The following ENOX1 variants were observed in gnomAD, a reference collection of about 807,000 sequenced individuals.
ENOX1 encodes the protein candidate growth-related and time keeping constitutive hydroquinone (NADH) oxidase.
Under a neutral mutation model 82.5 loss-of-function variants are expected in ENOX1, and 42 were observed. The ratio of observed to expected loss-of-function variants is 0.51; its 90% CI spans 0.40 to 0.66. The LOEUF (loss-of-function observed/expected upper bound fraction) is 0.66, where lower values mean the gene tolerates loss of function less well. ENOX1 is among the 30% of genes least tolerant of loss of function. ENOX1 has a pLI of 0.00. For missense variants in ENOX1, 608 were observed against 811.6 expected (o/e 0.75, Z 3.05); for synonymous variants, 271 against 282.2 (o/e 0.96, Z 0.40).
chr13:43,725,062 G>T (rs2088847050), intron 1 of ENOX1, among the ~76,000 whole-genome samples: 1 of 152,054 alleles, frequency 6.6e-6, no homozygotes, highest in South Asian at 2.1e-4. Context: ...AAGTTCTCTG[G>T]CATACCTGGA....
At chr13:43,624,872 C>T (rs1163167275) in intron 2 of ENOX1, among the ~76,000 whole-genome samples, 1 of 151,976 alleles carries the variant, frequency 6.6e-6, no homozygotes, top group Non-Finnish European at 1.5e-5. Context: ...ATTCCAGTTC[C>T]TTTGCCAATC....
In ENOX1 at chr13:43,356,133, C is replaced by T. The variant is rs753247747; in HGVS notation, c.609G>A (p.Gly203=). 2 of 1,614,136 alleles carry T rather than the reference C, an allele frequency of 1.2e-6. No individual in the cohort carries two copies. Among genetic ancestry groups the T allele is most frequent in the South Asian group, 1.1e-5 (1 of 91,078 alleles). The change falls in exon 8 of 17, where the codon GGG becomes GGA. Residue 203 remains glycine (G), a synonymous_variant. Coordinates refer to ENST00000690772, the MANE Select transcript of ENOX1 (RefSeq NM_001347969.2). ...CTGAATCCTTTTTGTCGGTGCTAGA[C>T]CCTAATCGCATCCTATAACCTGAAA... is the stretch of plus-strand genomic sequence containing the variant. The part of the protein sequence containing the change: ...IYLSGYRMRL[G]SSTDKKDSGR...
chr13:43,755,423 C>G (rs1950596955), intron 1 of ENOX1, among the ~76,000 whole-genome samples: 1 of 152,166 alleles, frequency 6.6e-6, no homozygotes, highest in South Asian at 2.1e-4. Flanking sequence ...TCGGGCACTG[C>G]TTTGTTCAGG....
chr13:43,731,788 T>C (rs781311016), intron 1 of ENOX1, among the ~76,000 whole-genome samples: 5 of 152,244 alleles, frequency 3.3e-5, no homozygotes, highest in Non-Finnish European at 4.4e-5. Flanking sequence ...CTATCACTTC[T>C]GAGTAAATGC....
intron 11 of ENOX1, among the ~76,000 whole-genome samples, chr13:43,304,626 T>G (rs890277609): frequency 9.9e-5 from 15 of 152,178 alleles, no homozygotes; most frequent in African/African-American, 3.6e-4. Flanking sequence ...AAAATAAACA[T>G]GCAGGTATTT....
intron 1 of ENOX1, among the ~76,000 whole-genome samples, chr13:43,710,924 T>C (rs1465009952): frequency 1.3e-5 from 2 of 152,068 alleles, no homozygotes; most frequent in African/African-American, 4.8e-5. Flanking sequence ...TTTTAAATTA[T>C]TATTATTATA....
chr13:43,228,974 C>T (rs2042150898), intron 15 of ENOX1, among the ~76,000 whole-genome samples: 1 of 152,232 alleles, frequency 6.6e-6, no homozygotes, highest in Non-Finnish European at 1.5e-5. Flanking sequence ...CAACAAATCT[C>T]ATTGAATTAT....
chr13:43,683,006 G>T (rs1201306919), intron 1 of ENOX1, among the ~76,000 whole-genome samples: 1 of 152,164 alleles, frequency 6.6e-6, no homozygotes, highest in Non-Finnish European at 1.5e-5. Context: ...TCATTAGCTA[G>T]TAAAACAAAC....
At chr13:43,742,196 G>T (rs1949775189) in intron 1 of ENOX1, among the ~76,000 whole-genome samples, 1 of 151,986 alleles carries the variant, frequency 6.6e-6, no homozygotes, top group African/African-American at 2.4e-5. Flanking sequence ...CATATAGAAA[G>T]AAATTATGAA....
chr13:43,754,109 T>C (rs925034101), intron 1 of ENOX1, among the ~76,000 whole-genome samples: 1 of 27,386 alleles, frequency 3.7e-5, no homozygotes, highest in Non-Finnish European at 1.7e-4. Flanking sequence ...TATACGTATA[T>C]GTATACATAA....
At chr13:43,695,743 C>T (rs1029118373) in intron 1 of ENOX1, among the ~76,000 whole-genome samples, 4 of 152,066 alleles carry the variant, frequency 2.6e-5, no homozygotes, top group African/African-American at 7.2e-5. Flanking sequence ...CCACCGCACC[C>T]GGCCTCATTT....
chr13:43,554,292 C>T (rs374893135), intron 2 of ENOX1, among the ~76,000 whole-genome samples: 1 of 152,210 alleles, frequency 6.6e-6, no homozygotes, highest in Non-Finnish European at 1.5e-5. Context: ...TAGGGAGCCA[C>T]ATTAGGCACT....
At chr13:43,703,100 T>A (rs947112007) in intron 1 of ENOX1, among the ~76,000 whole-genome samples, 4 of 151,522 alleles carry the variant, frequency 2.6e-5, no homozygotes, top group Non-Finnish European at 4.4e-5. Flanking sequence ...TTGGACTTCA[T>A]AGGCTCCAAA....
At chr13:43,482,692 G>A (rs901637989) in intron 3 of ENOX1, among the ~76,000 whole-genome samples, 2 of 151,902 alleles carry the variant, frequency 1.3e-5, no homozygotes, top group African/African-American at 4.8e-5. Flanking sequence ...TGGATCCCTG[G>A]GTATGAAGGT....
At chr13:43,293,388 C>T (rs954850818) in intron 12 of ENOX1, among the ~76,000 whole-genome samples, 2 of 152,054 alleles carry the variant, frequency 1.3e-5, no homozygotes, top group Admixed American at 6.5e-5. Context: ...CTACCTTCAT[C>T]ACCACCCCCA....
At chr13:43,371,586 G>C (rs17064472) in intron 5 of ENOX1, among the ~76,000 whole-genome samples, 3,527 of 152,244 alleles carry the variant, frequency 0.023, 136 homozygotes, top group African/African-American at 0.079. Context: ...TTAACCTTTT[G>C]ATTTTATTTA....
At chr13:43,471,637 C>T (rs1441038957) in intron 3 of ENOX1, among the ~76,000 whole-genome samples, 1 of 151,536 alleles carries the variant, frequency 6.6e-6, no homozygotes, top group Non-Finnish European at 1.5e-5. Context: ...GGTGAAAGCC[C>T]ATCTCTATTA....
intron 1 of ENOX1, among the ~76,000 whole-genome samples, chr13:43,750,365 A>G (rs1025506130): frequency 3.9e-5 from 6 of 152,214 alleles, no homozygotes; most frequent in African/African-American, 9.6e-5. Flanking sequence ...TGTCAAAAGC[A>G]TAACATTCCA....
chr13:43,421,951 T>C (rs1380712139), intron 3 of ENOX1, among the ~76,000 whole-genome samples: 1 of 125,990 alleles, frequency 7.9e-6, no homozygotes, highest in Non-Finnish European at 1.7e-5. Flanking sequence ...AAGTAAAAAA[T>C]GAAGAAAAAA....
Sources: gnomAD v4.1 joint callset for allele counts (sites outside exome capture counted in the v4.1 genomes callset) on GRCh38, gnomAD v4.1.1 for gene constraint, MANE v1.5 for transcripts, NCBI Gene and HGNC (gene_info 2026-07-23, HGNC 2026-07-21) for gene names.